LRBA: variants seen among roughly 807,000 people sequenced by gnomAD.
LRBA encodes LPS responsive beige-like anchor protein.
In LRBA, 176 loss-of-function variants were observed where a neutral mutation model predicts 330.0. The observed-to-expected ratio is 0.53, with a 90% CI of 0.47 to 0.60. The LOEUF is 0.60. Among genes scored for constraint, LRBA ranks in the 20% least tolerant of loss-of-function variants. The pLI is 0.00. For missense variants in LRBA, 3,259 were observed against 3,444.8 expected, an observed-to-expected ratio of 0.95 and a Z score of 1.35; for synonymous variants, 1,230 against 1,193.0, an observed-to-expected ratio of 1.03 and a Z score of -0.64.
At chr4:150,684,002 C>T (rs1295840041) in intron 36 of LRBA, 5 of 256,160 alleles carry the variant, frequency 2.0e-5, no homozygotes, top group Admixed American at 1.0e-4. Context: ...GGGCCCAGCA[C>T]GACAAACAGC....
rs70941404 is a variant in LRBA, at chr4:150,432,392, T to TAAA, written c.7041+3196_7041+3197insTTT. Among the ~76,000 whole-genome samples, 6 of 150,518 alleles carry TAAA rather than the reference T, an allele frequency of 4.0e-5. No individual in the cohort carries two copies. In the East Asian group the frequency reaches 1.2e-3, roughly 29 times the overall value. On this transcript the variant is annotated intron_variant, in intron 46 of 56. Transcript: ENST00000651943. ...ACTAATAATGACTCCACCTGAAATA[T>TAAA]GTGATAGCTGAATGAAATATTTACA...
At chr4:150,275,885 C>T (rs761023388) in intron 56 of LRBA, among the ~76,000 whole-genome samples, 1 of 152,110 alleles carries the variant, frequency 6.6e-6, no homozygotes, top group Non-Finnish European at 1.5e-5. Flanking sequence ...TCAATGCTAT[C>T]CCCATCAAGC....
chr4:150,580,347 G>C (rs1771140362), intron 40 of LRBA: 1 of 152,162 alleles, frequency 6.6e-6, no homozygotes, highest in African/African-American at 2.4e-5. Flanking sequence ...AACGAGAGAG[G>C]AAGGGTGACA....
chr4:150,703,650 A>G (rs1350353064), intron 36 of LRBA, among the ~76,000 whole-genome samples: 1 of 152,208 alleles, frequency 6.6e-6, no homozygotes, highest in African/African-American at 2.4e-5. Flanking sequence ...TGTAACGTCC[A>G]TAACAAAACA....
chr4:150,988,415 C>T (rs1741690808), intron 2 of LRBA, among the ~76,000 whole-genome samples: 2 of 152,078 alleles, frequency 1.3e-5, no homozygotes, highest in African/African-American at 2.4e-5. Context: ...AGAAACAAAT[C>T]ACAGAGAGGC....
chr4:150,929,088 ACATT>A, intron 2 of LRBA, 23 bp from the exon 3 acceptor site: 4 of 1,375,798 alleles, frequency 2.9e-6, no homozygotes, highest in Non-Finnish European at 4.1e-6. Flanking sequence ...AAAAAAAAAC[ACATT>A]AAAAGCATTA....
chr4:150,531,464 C>T (rs1420573309), intron 40 of LRBA, among the ~76,000 whole-genome samples: 2 of 152,166 alleles, frequency 1.3e-5, no homozygotes. Context: ...GACATTATTG[C>T]TTTCCTTTGT....
chr4:150,641,297 T>G (rs1392910058), intron 37 of LRBA, among the ~76,000 whole-genome samples: 1 of 152,190 alleles, frequency 6.6e-6, no homozygotes, highest in East Asian at 1.9e-4. Context: ...TCATTGGTTT[T>G]TCATATTTGT....
At chr4:150,908,252 C>A in intron 11 of LRBA, 82 bp downstream of exon 11, 2 of 1,420,018 alleles carry the variant, frequency 1.4e-6, no homozygotes, top group East Asian at 2.5e-5. Context: ...ACAACAAAAC[C>A]TGAAAGGCAA....
intron 8 of LRBA, among the ~76,000 whole-genome samples, chr4:150,914,828 A>G (rs1389959024): frequency 2.6e-5 from 4 of 152,180 alleles, no homozygotes; most frequent in Non-Finnish European, 5.9e-5. Context: ...TTGAGCACTC[A>G]TTCTGTATAA....
rs143176997 is a variant in LRBA, at chr4:150,651,292, G to A, written c.5921+32259C>T. 1.0e-3 allele frequency among the ~76,000 whole-genome samples: 157 copies of A among 152,180 alleles called. No individual in the cohort carries two copies. In the Middle Eastern group the frequency reaches 0.014, roughly 13 times the overall value. ...ACAATTTCACAGCACTATAGCACCA[G>A]AATATCCCCAATAACAACTAAGTTC... On this transcript the variant is annotated intron_variant, in intron 37 of 56. Transcript: ENST00000651943.
intron 49 of LRBA, among the ~76,000 whole-genome samples, chr4:150,323,138 C>T (rs570596001): frequency 2.0e-5 from 3 of 151,618 alleles, no homozygotes; most frequent in East Asian, 1.9e-4. Context: ...ACACAAAGAA[C>T]GTTTTATATA....
At chr4:150,897,633 G>T in intron 15 of LRBA, 106 bp downstream of exon 15, 2 of 767,202 alleles carry the variant, frequency 2.6e-6, no homozygotes, top group Non-Finnish European at 4.3e-6. Context: ...TTTCCAATGT[G>T]TAACCACAGT....
chr4:150,903,249 G>A (rs895425862), intron 13 of LRBA, among the ~76,000 whole-genome samples: 4 of 152,236 alleles, frequency 2.6e-5, no homozygotes, highest in Non-Finnish European at 4.4e-5. Context: ...GCTGGGAATG[G>A]TGGCGCACAC....
At chr4:151,014,014 A>C (rs1745144689) in intron 2 of LRBA, 2 of 155,958 alleles carry the variant, frequency 1.3e-5, no homozygotes, top group African/African-American at 4.8e-5. Flanking sequence ...ATTGTAGCAA[A>C]ACATAACTTC....
chr4:150,293,096 G>A (rs1423371593), intron 53 of LRBA, among the ~76,000 whole-genome samples: 1 of 151,976 alleles, frequency 6.6e-6, no homozygotes, highest in African/African-American at 2.4e-5. Flanking sequence ...ATAGATTATA[G>A]ATAAAAAACA....
intron 46 of LRBA, chr4:150,423,509 G>A: frequency 2.1e-6 from 1 of 484,080 alleles, no homozygotes; most frequent in South Asian, 2.1e-5. Flanking sequence ...CATGGACCTG[G>A]GTGTCCTGGA....
chr4:150,871,187 G>A (rs1386898586), intron 19 of LRBA, among the ~76,000 whole-genome samples, 158 bp downstream of exon 19: 2 of 152,136 alleles, frequency 1.3e-5, no homozygotes, highest in Admixed American at 6.5e-5. Context: ...AGGTTGCAGT[G>A]AGCCAAGACT....
chr4:150,584,286 A>G (rs893995299), intron 40 of LRBA: 2 of 577,322 alleles, frequency 3.5e-6, no homozygotes, highest in African/African-American at 3.8e-5. Flanking sequence ...ACCCAACCAA[A>G]ACAAATCACA....
Sources: allele counts gnomAD v4.1 joint callset (sites outside exome capture counted in the v4.1 genomes callset), GRCh38; gene constraint gnomAD v4.1.1; transcripts MANE v1.5; gene names NCBI Gene and HGNC (gene_info 2026-07-23, HGNC 2026-07-21).